The following VPS53 variants were observed in gnomAD, a reference collection of about 807,000 sequenced individuals.
VPS53 encodes vacuolar protein sorting-associated protein 53 homolog.
A neutral mutation model predicts 107.0 loss-of-function variants in VPS53; 70 were observed. The ratio of observed to expected loss-of-function variants is 0.65; its 90% CI spans 0.54 to 0.80. The LOEUF is 0.80. Ranked by LOEUF, VPS53 falls within the 30% of genes least tolerant of loss-of-function variation. The probability of loss-of-function intolerance (pLI) is 0.00; values close to 1 mark genes in which losing one functional copy is unlikely to be tolerated. For synonymous variants in VPS53, 409 were observed against 393.3 expected, an observed-to-expected ratio of 1.04 and a Z score of -0.47; for missense variants, 917 against 1,049.4, an observed-to-expected ratio of 0.87 and a Z score of 1.74.
intron 7 of VPS53, among the ~76,000 whole-genome samples, chr17:640,266 G>A (rs1970371512): frequency 6.6e-6 from 1 of 152,180 alleles, no homozygotes; most frequent in Non-Finnish European, 1.5e-5. Context: ...GTATTAGGGT[G>A]GGAGTGACCC....
At chr17:703,283 T>C (rs1398213105) in intron 2 of VPS53, among the ~76,000 whole-genome samples, 1 of 151,972 alleles carries the variant, frequency 6.6e-6, no homozygotes, top group Non-Finnish European at 1.5e-5. Flanking sequence ...CCACCTCAAA[T>C]AAAAAACAGA....
At chr17:714,574 T>A in intron 1 of VPS53, 49 bp downstream of exon 1, 1 of 1,533,930 alleles carries the variant, frequency 6.5e-7, no homozygotes. Context: ...GGAGCTGCCG[T>A]CTCCCCTCCC....
intron 7 of VPS53, among the ~76,000 whole-genome samples, chr17:646,286 C>G (rs1303345079): frequency 1.6e-5 from 2 of 127,438 alleles, no homozygotes; most frequent in African/African-American, 5.4e-5. Context: ...GGCTCCCACA[C>G]ACATCTCCAT....
At chr17:630,821 T>C (rs1013917232) in intron 8 of VPS53, among the ~76,000 whole-genome samples, 3 of 152,194 alleles carry the variant, frequency 2.0e-5, no homozygotes, top group Non-Finnish European at 2.9e-5. Flanking sequence ...TGCTTCAGTA[T>C]ATTTCTGCCT....
At chr17:584,288 A>C (rs922453931) in intron 13 of VPS53, among the ~76,000 whole-genome samples, 1 of 152,162 alleles carries the variant, frequency 6.6e-6, no homozygotes, top group African/African-American at 2.4e-5. Context: ...TCCAACGTGG[A>C]AGGGCTTGGC....
intron 14 of VPS53, 152 bp from the exon 15 acceptor site, chr17:560,725 C>T (rs1912871210): frequency 2.3e-6 from 2 of 866,388 alleles, no homozygotes. Flanking sequence ...TTCCTACTGA[C>T]CTTACCTTGA....
chr17:573,483 G>C (rs1249160572), intron 13 of VPS53, among the ~76,000 whole-genome samples: 1 of 152,108 alleles, frequency 6.6e-6, no homozygotes, highest in Non-Finnish European at 1.5e-5. Context: ...GGGAGGCTGG[G>C]GAGATGAGAA....
rs545154715 is a variant in VPS53, at chr17:511,555, C to G, written c.*7573G>C. ...CCCAGGTTCTCTGAGTCAACACCCT[C>G]AAAGGGGACAGACAGAAACAGAAAG... On this transcript the variant is annotated 3_prime_UTR_variant, in exon 22 of 22. Coordinates refer to ENST00000437048, the MANE Select transcript of VPS53 (RefSeq NM_001128159.3). 6.6e-6 allele frequency: 1 copy of G among 152,302 alleles called. No homozygotes were observed. The highest frequency in any genetic ancestry group is 2.1e-4 in the South Asian group (1 of 4,828). 9.4% of individuals were successfully genotyped at this position (152,302 alleles called of 1,614,324 possible). A position where few individuals can be genotyped will look rare whatever the true frequency, so the allele number is the denominator to read the frequency against.
rs376231084 is a variant in VPS53, at chr17:656,923, T to G, written c.373-970A>C. 17 of 1,349,036 alleles carry G rather than the reference T, an allele frequency of 1.3e-5. 2 individuals carry two copies. The African/African-American group carries it at 2.5e-4, about 20-fold the overall frequency. The allele number at this position is 1,349,036 out of a possible 1,614,324, so 83.6% of individuals were successfully genotyped here. On this transcript the variant is annotated intron_variant, in intron 5 of 21. Transcript: ENST00000437048. Reference sequence around the variant, plus strand: ...TGCCAATAGTGAAAATGTTGGAAACTTGAGTGCCAAAGCTGTTGCCACTGG... The same window carrying G: ...TGCCAATAGTGAAAATGTTGGAAACGTGAGTGCCAAAGCTGTTGCCACTGG...
At chr17:574,493 G>A (rs1043465444) in intron 13 of VPS53, among the ~76,000 whole-genome samples, 4 of 152,102 alleles carry the variant, frequency 2.6e-5, no homozygotes, top group Non-Finnish European at 5.9e-5. Flanking sequence ...GGCTGGGCGC[G>A]GTGGCTCATG....
At chr17:572,047 C>T (rs1324897993) in intron 13 of VPS53, among the ~76,000 whole-genome samples, 20 of 145,734 alleles carry the variant, frequency 1.4e-4, no homozygotes, top group South Asian at 2.2e-4. Flanking sequence ...CTGCCCAGTC[C>T]GGAAAGTGAG....
At position 519,958 on chromosome 17, in the gene VPS53, C is replaced by T. The variant is rs904934681; in HGVS notation, c.2224-28G>A. On this transcript the variant is annotated intron_variant, in intron 20 of 21. Coordinates refer to ENST00000437048, the MANE Select transcript of VPS53 (RefSeq NM_001128159.3). This position sits in a 1 kb window ranked among gnomAD's most constrained non-coding sequence, Gnocchi z 5.0. Reference sequence around the variant, plus strand: ...ACAGCGGGAGGAGACAGGAGCAAGCCCCTCAGGAAAACTACCACCACGGGA... The same window carrying T: ...ACAGCGGGAGGAGACAGGAGCAAGCTCCTCAGGAAAACTACCACCACGGGA... 2.8e-5 allele frequency: 43 copies of T among 1,509,308 alleles called. No homozygotes were observed. The highest frequency in any genetic ancestry group is 3.8e-5 in the Non-Finnish European group (42 of 1,108,832). 93.5% of individuals were successfully genotyped at this position (1,509,308 alleles called of 1,614,324 possible). A position where few individuals can be genotyped will look rare whatever the true frequency, so the allele number is the denominator to read the frequency against.
intron 7 of VPS53, among the ~76,000 whole-genome samples, chr17:650,380 C>A (rs1476277871): frequency 6.6e-6 from 1 of 152,054 alleles, no homozygotes; most frequent in Non-Finnish European, 1.5e-5. Flanking sequence ...GCCTGTATTC[C>A]TGGCTACTCA....
At chr17:617,827 G>A (rs1375060899) in intron 11 of VPS53, among the ~76,000 whole-genome samples, 1 of 82,990 alleles carries the variant, frequency 1.2e-5, no homozygotes, top group Non-Finnish European at 2.3e-5. Context: ...AATATTTCCC[G>A]GGTAGCTGGG....
At position 562,749 on chromosome 17, in the gene VPS53, G is replaced by A. The variant is rs764868701; in HGVS notation, c.1314-4C>T. 3 of 1,579,940 alleles carry A rather than the reference G, an allele frequency of 1.9e-6. No individual in the cohort carries two copies. The highest frequency in any genetic ancestry group is 2.8e-5 in the African/African-American group (2 of 72,102). On this transcript the variant is annotated splice_polypyrimidine_tract_variant and splice_region_variant and intron_variant, in intron 13 of 21. Transcript: ENST00000437048. ...ATCTATCAGCTCTCCGAGGTTCCTAGGAGGAAAAAAAAAAACCAAAAATGT... is the reference window on the plus strand; with the variant it reads ...ATCTATCAGCTCTCCGAGGTTCCTAAGAGGAAAAAAAAAAACCAAAAATGT...
Position 673,142 on chromosome 17 carries a change from A to C in VPS53, c.286-11247T>G, listed in dbSNP as rs80233064. Among the ~76,000 whole-genome samples, 399 of 152,008 alleles carry C rather than the reference A, an allele frequency of 2.6e-3. 4 individuals carry two copies. Among genetic ancestry groups the C allele is most frequent in the African/African-American group, 9.3e-3 (386 of 41,486 alleles). On this transcript the variant is annotated intron_variant, in intron 4 of 21. Transcript: ENST00000437048. ...AAAAACAAAAACAAAAACAAAAAAA[A>C]AACAACGGCAGCATCATTTCGAAAG...
At chr17:645,984 T>G (rs1970680547) in intron 7 of VPS53, among the ~76,000 whole-genome samples, 1 of 128,458 alleles carries the variant, frequency 7.8e-6, no homozygotes, top group Admixed American at 9.0e-5. Flanking sequence ...CTCCTAAGGG[T>G]CTTATCTTTT....
chr17:637,867 G>C (rs1257277913), intron 7 of VPS53, among the ~76,000 whole-genome samples: 1 of 152,236 alleles, frequency 6.6e-6, no homozygotes, highest in Non-Finnish European at 1.5e-5. Flanking sequence ...TAAGTGCGAT[G>C]TGGTGCTGAG....
chr17:623,366 CCA>C (rs1418127714), intron 11 of VPS53, among the ~76,000 whole-genome samples, 165 bp downstream of exon 11: 2 of 152,134 alleles, frequency 1.3e-5, no homozygotes, highest in Non-Finnish European at 2.9e-5. Context: ...AACAATAAAT[CCA>C]CACAGAGTGT....
Sources: allele counts gnomAD v4.1 joint callset (sites outside exome capture counted in the v4.1 genomes callset), GRCh38; gene constraint gnomAD v4.1.1; non-coding constraint Gnocchi (gnomAD v3.1); transcripts MANE v1.5; gene names NCBI Gene and HGNC (gene_info 2026-07-23, HGNC 2026-07-21).